The following DENR variants were observed in gnomAD, a reference collection of about 807,000 sequenced individuals.
DENR encodes density-regulated protein.
A neutral mutation model predicts 30.6 loss-of-function variants in DENR; 6 were observed. The ratio of observed to expected loss-of-function variants is 0.20; its 90% CI spans 0.11 to 0.39. DENR has a LOEUF of 0.39. Ranked by LOEUF, DENR falls within the 10% of genes least tolerant of loss-of-function variation. The pLI is 1.00. For synonymous variants in DENR, 78 were observed against 72.1 expected (o/e 1.08, Z -0.41); for missense variants, 141 against 230.9 (o/e 0.61, Z 2.52).
Position 122,757,632 on chromosome 12 carries a change from C to T in DENR, c.106+3825C>T, listed in dbSNP as rs147308141. ...CATTATAACATCAGCTTCAAGGAAA[C>T]TTAGCAGAGTCTTGAAGGATGAATA... On this transcript the variant is annotated intron_variant, in intron 2 of 7. Coordinates refer to ENST00000280557, the MANE Select transcript of DENR (RefSeq NM_003677.5). 5.3e-3 allele frequency among the ~76,000 whole-genome samples: 800 copies of T among 152,258 alleles called. 7 individuals carry two copies. The highest frequency in any genetic ancestry group is 7.9e-3 in the South Asian group (38 of 4,828).
Position 122,753,791 on chromosome 12 carries a change from A to C in DENR, c.90A>C (p.Arg30=). Reference sequence around the variant, plus strand: ...AGTTAGATGCCGATTACCCACTTCGAGTCCTTTATTGTGGAGGCAAGTGTT... The same window carrying C: ...AGTTAGATGCCGATTACCCACTTCGCGTCCTTTATTGTGGAGGCAAGTGTT... ...SAKLDADYPL[R]VLYCGVCSLP... is the part of the protein sequence containing the mutation. Residue 30 remains arginine, a synonymous_variant, in exon 2 of 8, where the codon CGA becomes CGC. Transcript: ENST00000280557. 1 of 1,613,746 alleles carries C rather than the reference A, an allele frequency of 6.2e-7. No individual in the cohort carries two copies. Among genetic ancestry groups the C allele is most frequent in the South Asian group, 1.1e-5 (1 of 91,068 alleles).
Position 122,762,938 on chromosome 12 carries a change from A to G in DENR, c.211+9A>G, listed in dbSNP as rs1430431976. 1 of 1,497,036 alleles carries G rather than the reference A, an allele frequency of 6.7e-7. No individual in the cohort carries two copies. Among genetic ancestry groups the G allele is most frequent in the East Asian group, 2.5e-5 (1 of 40,536 alleles). 92.7% of individuals were successfully genotyped at this position (1,497,036 alleles called of 1,614,324 possible). The stretch of plus-strand genomic sequence containing the variant: ...TGCAAAACTTACTGTAGGTATGAAC[A>G]TTTTTTTTCTTGCATTAAACTTCTG... On this transcript the variant is annotated intron_variant, in intron 4 of 7. Transcript: ENST00000280557.
At chr12:122,765,513 G>C in intron 5 of DENR, 126 bp downstream of exon 5, 1 of 768,510 alleles carries the variant, frequency 1.3e-6, no homozygotes, top group Non-Finnish European at 2.1e-6. Context: ...GCTTCTTAGG[G>C]GGCTGAGGCA....
At chr12:122,755,566 G>T (rs1232489205) in intron 2 of DENR, among the ~76,000 whole-genome samples, 1 of 152,116 alleles carries the variant, frequency 6.6e-6, no homozygotes, top group African/African-American at 2.4e-5. Context: ...GCAACAGTGC[G>T]AGACCCCATC....
At chr12:122,765,408 T>C (rs1407563282) in intron 5 of DENR, 21 bp downstream of exon 5, 1 of 1,535,846 alleles carries the variant, frequency 6.5e-7, no homozygotes, top group Non-Finnish European at 8.8e-7. Context: ...AATTCACATC[T>C]TGATTTGTAC....
intron 2 of DENR, among the ~76,000 whole-genome samples, chr12:122,759,877 A>G (rs1878649435): frequency 6.6e-6 from 1 of 152,212 alleles, no homozygotes; most frequent in Admixed American, 6.5e-5. Flanking sequence ...TGTGAGGAAT[A>G]TAGGGCTGTA....
intron 2 of DENR, among the ~76,000 whole-genome samples, chr12:122,759,717 ATT>A (rs201357916): frequency 3.4e-5 from 5 of 146,908 alleles, no homozygotes; most frequent in Non-Finnish European, 7.5e-5. Flanking sequence ...CAAAACCCCA[ATT>A]TTTTTTTTTT....
At chr12:122,762,790 A>G (rs2135510878) in intron 3 of DENR, 55 bp from the exon 4 acceptor site, 7 of 1,189,986 alleles carry the variant, frequency 5.9e-6, no homozygotes, top group South Asian at 1.4e-5. Context: ...TAATTACGAC[A>G]TATTGTTTGA....
chr12:122,764,336 C>T (rs895314279), intron 4 of DENR, among the ~76,000 whole-genome samples: 51 of 152,274 alleles, frequency 3.3e-4, no homozygotes, highest in Admixed American at 2.7e-3. Flanking sequence ...TGCAGTGGCT[C>T]ACGCTGTAAT....
intron 4 of DENR, 73 bp downstream of exon 4, chr12:122,763,002 T>C: frequency 1.2e-6 from 1 of 844,736 alleles, no homozygotes; most frequent in South Asian, 1.6e-5. Flanking sequence ...ATTCTAAAGA[T>C]AGGAAAGTCC....
chr12:122,768,689 T>G, intron 6 of DENR, 93 bp from the exon 7 acceptor site: 1 of 1,165,570 alleles, frequency 8.6e-7, no homozygotes, highest in Non-Finnish European at 1.2e-6. Flanking sequence ...ATCTGTTTTA[T>G]GATTTTAAAA....
chr12:122,769,537 C>T lies in DENR; in HGVS notation c.*459C>T, dbSNP rs1454318980. The T allele has an allele frequency of 2.3e-5, 22 of 943,576 alleles. No individual in the cohort carries two copies. Among genetic ancestry groups the T allele is most frequent in the African/African-American group, 3.6e-5 (2 of 55,334 alleles). 58.5% of individuals were successfully genotyped at this position (943,576 alleles called of 1,614,324 possible). Reference sequence around the variant, plus strand: ...CTCTTTTTTTTTTTTGACAGAGTCTCGCACTGTTGCCTGGGCTGGAATGCA... The same window carrying T: ...CTCTTTTTTTTTTTTGACAGAGTCTTGCACTGTTGCCTGGGCTGGAATGCA... On this transcript the variant is annotated 3_prime_UTR_variant, in exon 8 of 8. Coordinates refer to ENST00000280557, the MANE Select transcript of DENR (RefSeq NM_003677.5).
At chr12:122,765,477 C>A in intron 5 of DENR, 90 bp downstream of exon 5, 2 of 1,197,828 alleles carry the variant, frequency 1.7e-6, no homozygotes, top group Non-Finnish European at 1.2e-6. Context: ...CAAAGCTAGG[C>A]ACAATGGTGG....
rs962827904 is a variant in DENR at position 122,765,430 on chromosome 12, C to G, written c.295+43C>G. 1.6e-5 allele frequency: 23 copies of G among 1,467,210 alleles called. 1 individual carries two copies. The Middle Eastern group carries it at 1.7e-3, about 110-fold the overall frequency. The allele number at this position is 1,467,210 out of a possible 1,614,324, so 90.9% of individuals were successfully genotyped here. A position where few individuals can be genotyped will look rare whatever the true frequency, so the allele number is the denominator to read the frequency against. Reference sequence around the variant, plus strand: ...ATCTTGATTTGTACAGTCATACCGTCACTGCGATAGAAAATGTAAGTAATT... The same window carrying G: ...ATCTTGATTTGTACAGTCATACCGTGACTGCGATAGAAAATGTAAGTAATT... On this transcript the variant is annotated intron_variant, in intron 5 of 7. Transcript: ENST00000280557.
chr12:122,767,363 A>G (rs1664814204), intron 5 of DENR, 125 bp from the exon 6 acceptor site: 1 of 616,508 alleles, frequency 1.6e-6, no homozygotes, highest in African/African-American at 1.9e-5. Flanking sequence ...GAATACTTGG[A>G]TGTGTTTAGT....
In DENR at chr12:122,762,924, C is replaced by A; in HGVS notation, c.206C>A (p.Thr69Asn). The change falls in exon 4 of 8, where the codon ACT (threonine) becomes AAT (asparagine). Residue 69 changes from threonine to asparagine, a missense_variant. This residue lies in a region of DENR where 104 missense variants were observed against 138.3 expected (regional missense o/e 0.75). Coordinates refer to ENST00000280557, the MANE Select transcript of DENR (RefSeq NM_003677.5). ...TTTCCAAATGAATTTGCAAAACTTACTGTAGGTATGAACATTTTTTTTCTT... is the reference window on the plus strand; with the variant it reads ...TTTCCAAATGAATTTGCAAAACTTAATGTAGGTATGAACATTTTTTTTCTT... ...KNFPNEFAKLTVENSPKQEAG... is the reference protein window; with the variant it reads ...KNFPNEFAKLNVENSPKQEAG... 3.3e-6 allele frequency: 5 copies of A among 1,534,014 alleles called. No homozygotes were observed. In the South Asian group the frequency reaches 6.1e-5, roughly 19 times the overall value.
intron 2 of DENR, among the ~76,000 whole-genome samples, chr12:122,755,252 T>C (rs1878516726): frequency 6.6e-6 from 1 of 152,232 alleles, no homozygotes; most frequent in African/African-American, 2.4e-5. Flanking sequence ...TGTCAGTCTC[T>C]AGAAATCTTG....
At position 122,762,919 on chromosome 12, in the gene DENR, A is replaced by G. The variant is rs1185416302; in HGVS notation, c.201A>G (p.Lys67=). 1 of 1,541,632 alleles carries G rather than the reference A, an allele frequency of 6.5e-7. No individual in the cohort carries two copies. Among genetic ancestry groups the G allele is most frequent in the Non-Finnish European group, 8.8e-7 (1 of 1,141,108 alleles). The change falls in exon 4 of 8, where the codon AAA becomes AAG. Residue 67 remains lysine, a synonymous_variant. Transcript: ENST00000280557. ...LEKNFPNEFA[K]LTVENSPKQE... ...AGAATTTTCCAAATGAATTTGCAAA[A>G]CTTACTGTAGGTATGAACATTTTTT...
intron 2 of DENR, among the ~76,000 whole-genome samples, chr12:122,756,329 A>G (rs1433438626): frequency 1.3e-5 from 2 of 152,112 alleles, no homozygotes; most frequent in African/African-American, 2.4e-5. Flanking sequence ...GGCGCCTGTA[A>G]TCCCAGCTAC....
Sources: allele counts gnomAD v4.1 joint callset (sites outside exome capture counted in the v4.1 genomes callset), GRCh38; gene constraint gnomAD v4.1.1; regional missense constraint gnomAD v4.1.1; transcripts MANE v1.5; gene names NCBI Gene and HGNC (gene_info 2026-07-23, HGNC 2026-07-21).